GNAL: variants seen among roughly 807,000 people sequenced by gnomAD.
GNAL encodes G protein subunit alpha L.
In GNAL, 18 loss-of-function variants were observed where a neutral mutation model predicts 55.1. The observed-to-expected ratio is 0.33, with a 90% confidence interval of 0.23 to 0.48. The LOEUF (loss-of-function observed/expected upper bound fraction) is 0.48. Among genes scored for constraint, GNAL ranks in the 20% least tolerant of loss-of-function variants. GNAL has a pLI of 0.99. For synonymous variants in GNAL, 253 were observed against 237.0 expected, an observed-to-expected ratio of 1.07 and a Z score of -0.62; for missense variants, 412 against 614.1, an observed-to-expected ratio of 0.67 and a Z score of 3.48.
rs1452763467 is a variant in GNAL, at chr18:11,872,391, T to G, written c.1155T>G (p.Pro385=). 6.4e-7 allele frequency: 1 copy of G among 1,552,220 alleles called. No homozygotes were observed. The highest frequency in any genetic ancestry group is 2.1e-5 in the Admixed American group (1 of 46,708). ...CAGAATATGCAAATTATACTGTTCC[T>G]GAAGACGGTAAGATTTCAAAACACA... The part of the protein sequence containing the change: ...YFPEYANYTV[P]EDATPDAGED... Residue 385 remains proline (P), a synonymous_variant, in exon 10 of 12, where the codon CCT becomes CCG. Transcript: ENST00000334049.
At chr18:11,822,140 C>T (rs1054601355) in intron 4 of GNAL, among the ~76,000 whole-genome samples, 4 of 152,188 alleles carry the variant, frequency 2.6e-5, no homozygotes, top group African/African-American at 9.6e-5. Flanking sequence ...CTTAGCGCGC[C>T]TGGCTTTCCA....
Position 11,831,885 on chromosome 18 carries a change from C to CTGCAGGACTGATGTGAT in GNAL, c.722+6881_722+6897dup, listed in dbSNP as rs2035390848. 2.6e-5 allele frequency among the ~76,000 whole-genome samples: 4 copies of CTGCAGGACTGATGTGAT among 152,222 alleles called. No homozygotes were observed. In the South Asian group the frequency reaches 6.2e-4, roughly 24 times the overall value. On this transcript the variant is annotated intron_variant, in intron 5 of 11. Transcript: ENST00000334049. ...GGGCCAGCCAGGTGGCACTGAGCAG[C>CTGCAGGACTGATGTGAT]TGCAGGACTGATGTGATTGCAGGAC...
At chr18:11,719,564 G>A (rs919699194) in intron 1 of GNAL, among the ~76,000 whole-genome samples, 13 of 152,214 alleles carry the variant, frequency 8.5e-5, no homozygotes, top group Admixed American at 2.0e-4. Flanking sequence ...AGAAATCCAC[G>A]AAAATCTGGG....
rs746681260 is a variant in GNAL, at chr18:11,753,867, G to T, written c.546G>T (p.Pro182=). Reference sequence around the variant, plus strand: ...TGAGTACTATAATACCTCCAGTTCCGCTGGCCAACCCTGAAAACCAATTTC... The same window carrying T: ...TGAGTACTATAATACCTCCAGTTCCTCTGGCCAACCCTGAAAACCAATTTC... ...SAMSTIIPPV[P]LANPENQFRS... is the part of the protein sequence containing the mutation. The change falls in exon 4 of 12, where the codon CCG becomes CCT. Residue 182 remains proline (P), a synonymous_variant. Coordinates refer to ENST00000334049, the MANE Select transcript of GNAL (RefSeq NM_182978.4). 2 of 1,608,508 alleles carry T rather than the reference G, an allele frequency of 1.2e-6. No individual in the cohort carries two copies. Among genetic ancestry groups the T allele is most frequent in the South Asian group, 1.1e-5 (1 of 90,930 alleles).
intron 5 of GNAL, among the ~76,000 whole-genome samples, chr18:11,825,897 A>G (rs887013182): frequency 1.3e-5 from 2 of 152,156 alleles, no homozygotes; most frequent in African/African-American, 4.8e-5. Flanking sequence ...GAAGTTCTAG[A>G]TATGTTTGCT....
chr18:11,724,318 T>G (rs184298251), intron 1 of GNAL, among the ~76,000 whole-genome samples: 1 of 152,180 alleles, frequency 6.6e-6, no homozygotes, highest in African/African-American at 2.4e-5. Context: ...TAGTATAATA[T>G]GTATTCACTT....
At chr18:11,766,608 G>A (rs984330711) in intron 4 of GNAL, among the ~76,000 whole-genome samples, 1 of 152,160 alleles carries the variant, frequency 6.6e-6, no homozygotes, top group East Asian at 1.9e-4. Context: ...GTTATAAAAT[G>A]TTACCGTAGT....
intron 1 of GNAL, among the ~76,000 whole-genome samples, chr18:11,715,844 T>A (rs763185884): frequency 6.6e-6 from 1 of 151,340 alleles, no homozygotes; most frequent in South Asian, 2.1e-4. Context: ...AAGTTCTAGA[T>A]AGATTTTGAA....
intron 4 of GNAL, among the ~76,000 whole-genome samples, chr18:11,801,206 T>C (rs1277172992): frequency 6.6e-6 from 1 of 152,054 alleles, no homozygotes; most frequent in Non-Finnish European, 1.5e-5. Context: ...CTGGGGGAGC[T>C]TATAGTATAG....
chr18:11,881,305 CTTCTG>C lies in GNAL; in HGVS notation c.*173_*177del, dbSNP rs2036685274. 3 of 588,968 alleles carry C rather than the reference CTTCTG, an allele frequency of 5.1e-6. No homozygotes were observed. Among genetic ancestry groups the C allele is most frequent in the Non-Finnish European group, 8.6e-6 (3 of 347,192 alleles). The allele number at this position is 588,968 out of a possible 1,614,324, so 36.5% of individuals were successfully genotyped here. A position where few individuals can be genotyped will look rare whatever the true frequency, so the allele number is the denominator to read the frequency against. On this transcript the variant is annotated 3_prime_UTR_variant, in exon 12 of 12. Coordinates refer to ENST00000334049, the MANE Select transcript of GNAL (RefSeq NM_182978.4). The surrounding 1 kb of genome is among the most constrained non-coding windows in gnomAD (Gnocchi z 4.8). Reference sequence around the variant, plus strand: ...TGTCCCCTCAGGTTTGGTTGTGTAGCTTCTGTTGTCATTGAATACGGCCTCCCGCA... The same window carrying C: ...TGTCCCCTCAGGTTTGGTTGTGTAGCTTGTCATTGAATACGGCCTCCCGCA...
intron 5 of GNAL, chr18:11,853,538 A>G (rs2035931709): frequency 6.0e-6 from 1 of 167,062 alleles, no homozygotes; most frequent in African/African-American, 2.4e-5. Context: ...TCAGAAAATA[A>G]TTATAGGGGC....
intron 4 of GNAL, among the ~76,000 whole-genome samples, chr18:11,774,228 C>T (rs1311137939): frequency 6.6e-6 from 1 of 152,002 alleles, no homozygotes; most frequent in African/African-American, 2.4e-5. Flanking sequence ...TTGGTGTGGC[C>T]GAAGAACAAG....
rs2277730 is a variant in GNAL at position 11,884,834 on chromosome 18, G to C, written c.*3699G>C. 0.2 allele frequency: 277,320 copies of C among 1,391,300 alleles called. 29,503 individuals are homozygous for C. Among genetic ancestry groups the C allele is most frequent in the East Asian group, 0.48 (17,797 of 36,702 alleles). 86.2% of individuals were successfully genotyped at this position (1,391,300 alleles called of 1,614,324 possible). On this transcript the variant is annotated 3_prime_UTR_variant, in exon 12 of 12. Transcript: ENST00000334049. The stretch of plus-strand genomic sequence containing the variant: ...GCCCAGGCTCCAGCAGGAGAGACAA[G>C]TAAGGCCCAAGTGTGCCTGAGTGGA...
At position 11,870,539 on chromosome 18, in the gene GNAL, T is replaced by A. The variant is rs535445508; in HGVS notation, c.1032-1729T>A. On this transcript the variant is annotated intron_variant, in intron 9 of 11. Transcript: ENST00000334049. ...CTGTCTCAAAAAGTAAAAAAAAAAA[T>A]TTTTTTAATTTTGAAAATAAATAAA... is the stretch of plus-strand genomic sequence containing the variant. Among the ~76,000 whole-genome samples the A allele has an allele frequency of 7.9e-3, 1,155 of 146,636 alleles. 10 individuals carry two copies. Among genetic ancestry groups the A allele is most frequent in the African/African-American group, 0.024 (952 of 39,122 alleles).
Position 11,851,513 on chromosome 18 carries a change from T to G in GNAL, c.723-10882T>G, listed in dbSNP as rs767155600. 24 of 1,571,168 alleles carry G rather than the reference T, an allele frequency of 1.5e-5. No individual in the cohort carries two copies. In the Admixed American group the frequency reaches 2.2e-4, roughly 14 times the overall value. Reference sequence around the variant, plus strand: ...CCGACCCAAAGGAGCCGTCCGACTATGTCTAACATGGAGAAACACCTGTTC... The same window carrying G: ...CCGACCCAAAGGAGCCGTCCGACTAGGTCTAACATGGAGAAACACCTGTTC... On this transcript the variant is annotated intron_variant, in intron 5 of 11. Coordinates refer to ENST00000334049, the MANE Select transcript of GNAL (RefSeq NM_182978.4).
At chr18:11,704,676 C>A (rs1263831134) in intron 1 of GNAL, among the ~76,000 whole-genome samples, 2 of 152,148 alleles carry the variant, frequency 1.3e-5, no homozygotes, top group African/African-American at 4.8e-5. Flanking sequence ...TCCTTAATAT[C>A]AGTATTTTCT....
chr18:11,873,801 C>T (rs905974496), intron 10 of GNAL, among the ~76,000 whole-genome samples: 4 of 152,226 alleles, frequency 2.6e-5, no homozygotes, highest in Non-Finnish European at 5.9e-5. Context: ...TCCCGCTAAC[C>T]GCCTCTTGCC....
chr18:11,779,729 A>G (rs1460967382), intron 4 of GNAL, among the ~76,000 whole-genome samples: 1 of 152,196 alleles, frequency 6.6e-6, no homozygotes, highest in Non-Finnish European at 1.5e-5. Flanking sequence ...GGTAGTCTGG[A>G]AACTGGGGGA....
intron 5 of GNAL, among the ~76,000 whole-genome samples, chr18:11,857,963 T>A (rs929084703): frequency 1.3e-5 from 2 of 152,242 alleles, no homozygotes; most frequent in African/African-American, 4.8e-5. Context: ...TTCCAATTGC[T>A]ATATGTTTTC....
Sources: allele counts gnomAD v4.1 joint callset (sites outside exome capture counted in the v4.1 genomes callset), GRCh38; gene constraint gnomAD v4.1.1; non-coding constraint Gnocchi (gnomAD v3.1); transcripts MANE v1.5; gene names NCBI Gene and HGNC (gene_info 2026-07-23, HGNC 2026-07-21).